The following SOX13 variants were observed in gnomAD, a reference collection of about 807,000 sequenced individuals.
The protein encoded by SOX13 is SRY-box transcription factor 13, also known as transcription factor SOX-13.
SOX13 carries 28 observed loss-of-function variants against 71.8 expected under a neutral mutation model. That is an observed-to-expected ratio of 0.39 (90% CI 0.29 to 0.53). The LOEUF is 0.53. Among genes scored for constraint, SOX13 ranks in the 20% least tolerant of loss-of-function variants. SOX13 has a pLI of 0.70. For synonymous variants in SOX13, 309 were observed against 317.8 expected, an observed-to-expected ratio of 0.97 and a Z score of 0.29; for missense variants, 627 against 810.3, an observed-to-expected ratio of 0.77 and a Z score of 2.75.
intron 1 of SOX13, among the ~76,000 whole-genome samples, chr1:204,108,717 G>T (rs943903763): frequency 6.6e-6 from 1 of 152,334 alleles, no homozygotes; most frequent in Non-Finnish European, 1.5e-5. Context: ...TGAGCCGACG[G>T]ATCAGAGGCC....
intron 7 of SOX13, 25 bp downstream of exon 7, chr1:204,117,732 C>T (rs369807881): frequency 2.0e-6 from 3 of 1,504,560 alleles, no homozygotes; most frequent in Admixed American, 1.7e-5. Flanking sequence ...GGAGGTTCCA[C>T]CACTGCGGCC....
In SOX13 at chr1:204,114,396, C is replaced by G. The variant is rs1656647247; in HGVS notation, c.295C>G (p.Gln99Glu). Residue 99 changes from glutamine (Q) to glutamate (E), a missense_variant, in exon 3 of 14, where the codon CAG (glutamine) becomes GAG (glutamate). Physicochemically the swap from Gln to Glu is conservative, Grantham distance 29 (BLOSUM62 2). Around this residue, in one of 3 missense-constraint regions of SOX13, gnomAD observed 447 missense variants for 532.2 expected, o/e 0.84. Transcript: ENST00000367204. ...PGVSEAASGS[Q>E]EKLDFNRNLK... The stretch of plus-strand genomic sequence containing the variant: ...AGTGTCGGAGGCTGCCTCTGGAAGC[C>G]AGGAGAAGCTGGACTTCAACCGAAA... The G allele has an allele frequency of 6.2e-7, 1 of 1,612,818 alleles. No homozygotes were observed. The highest frequency in any genetic ancestry group is 1.3e-5 in the African/African-American group (1 of 74,906).
chr1:204,082,121 T>G (rs1655920698), intron 1 of SOX13, among the ~76,000 whole-genome samples: 1 of 149,878 alleles, frequency 6.7e-6, no homozygotes, highest in African/African-American at 2.5e-5. Context: ...GTGAGTGTAA[T>G]GTGAGTGTGA....
intron 1 of SOX13, among the ~76,000 whole-genome samples, chr1:204,091,667 C>T (rs910604609): frequency 3.3e-5 from 5 of 152,162 alleles, no homozygotes; most frequent in Non-Finnish European, 7.3e-5. Flanking sequence ...AGTCCTGGCT[C>T]TGCTTCTGAG....
intron 12 of SOX13, among the ~76,000 whole-genome samples, chr1:204,124,262 G>A (rs1656873038): frequency 6.6e-6 from 1 of 152,208 alleles, no homozygotes; most frequent in South Asian, 2.1e-4. Flanking sequence ...CAGTGTCAGC[G>A]CAGGACTCTG....
intron 1 of SOX13, among the ~76,000 whole-genome samples, chr1:204,085,501 G>A (rs999160583): frequency 1.3e-5 from 2 of 152,154 alleles, no homozygotes; most frequent in African/African-American, 4.8e-5. Context: ...TGGCAGGTTG[G>A]TTAAGTACTG....
rs759937893 is a variant in SOX13, at chr1:204,112,948, G to A, written c.33G>A (p.Leu11=). The part of the protein sequence containing the change: MSMRSPISAQ[L]ALDGVGTMVN... Reference sequence around the variant, plus strand: ...TGAGGAGCCCCATCTCTGCCCAGCTGGCCCTGGATGGCGTTGGCACCATGG... The same window carrying A: ...TGAGGAGCCCCATCTCTGCCCAGCTAGCCCTGGATGGCGTTGGCACCATGG... The change falls in exon 2 of 14, where the codon CTG becomes CTA. Residue 11 remains leucine, a synonymous_variant. Transcript: ENST00000367204. 15 of 1,613,720 alleles carry A rather than the reference G, an allele frequency of 9.3e-6. No individual in the cohort carries two copies. The highest frequency in any genetic ancestry group is 1.2e-5 in the Non-Finnish European group (14 of 1,179,868).
chr1:204,122,948 C>T lies in SOX13; in HGVS notation c.1119C>T (p.Asn373=), dbSNP rs1345257600. The change falls in exon 10 of 14, where the codon AAC becomes AAT. Residue 373 remains asparagine (N), a synonymous_variant. Transcript: ENST00000367204. ...GTGGGGCCTTGGATGGCTCCCCCAA[C>T]ACCCCCTTCCGTAAGGTATGGTCCC... ...SHSGALDGSP[N]TPFRKDLISL... is the part of the protein sequence containing the mutation. 6.3e-7 allele frequency: 1 copy of T among 1,587,032 alleles called. No homozygotes were observed. The highest frequency in any genetic ancestry group is 8.6e-7 in the Non-Finnish European group (1 of 1,164,136).
intron 1 of SOX13, among the ~76,000 whole-genome samples, chr1:204,108,800 C>T (rs1320693028): frequency 6.6e-6 from 1 of 152,230 alleles, no homozygotes; most frequent in Non-Finnish European, 1.5e-5. Context: ...TATTGTCTGG[C>T]TTCCTTTTGT....
At chr1:204,102,085 C>T (rs1656371106) in intron 1 of SOX13, among the ~76,000 whole-genome samples, 1 of 152,202 alleles carries the variant, frequency 6.6e-6, no homozygotes, top group African/African-American at 2.4e-5. Context: ...TGCTGCGTGT[C>T]TCCCAGAGCC....
intron 1 of SOX13, among the ~76,000 whole-genome samples, chr1:204,099,802 T>G (rs1366114634): frequency 6.6e-6 from 1 of 152,180 alleles, no homozygotes; most frequent in Non-Finnish European, 1.5e-5. Flanking sequence ...TTAATATAAG[T>G]AAAAGTGATT....
Position 204,125,842 on chromosome 1 carries a change from C to T in SOX13, c.1593-16C>T. On this transcript the variant is annotated splice_polypyrimidine_tract_variant and intron_variant, in intron 13 of 13. Coordinates refer to ENST00000367204, the MANE Select transcript of SOX13 (RefSeq NM_005686.3). ...CAAGTGTGCATCCATCACCGTTCCCCTTCTCTGCCCCACAGCCCGCAGGCT... is the reference window on the plus strand; with the variant it reads ...CAAGTGTGCATCCATCACCGTTCCCTTTCTCTGCCCCACAGCCCGCAGGCT... The T allele has an allele frequency of 6.2e-7, 1 of 1,602,906 alleles. No homozygotes were observed. Among genetic ancestry groups the T allele is most frequent in the Non-Finnish European group, 8.5e-7 (1 of 1,176,632 alleles).
chr1:204,074,269 C>A (rs1465717176), intron 1 of SOX13: 1 of 152,046 alleles, frequency 6.6e-6, no homozygotes. Context: ...GGGTCGTTCC[C>A]CAGCGGACCA....
At chr1:204,110,321 GTCTTGCTA>G (rs1656554789) in intron 1 of SOX13, among the ~76,000 whole-genome samples, 2 of 143,744 alleles carry the variant, frequency 1.4e-5, no homozygotes, top group South Asian at 4.9e-4. Context: ...TAGAGACAGG[GTCTTGCTA>G]TGTTGCTCAT....
chr1:204,117,229 T>C, intron 6 of SOX13, 39 bp downstream of exon 6: 2 of 1,579,158 alleles, frequency 1.3e-6, no homozygotes, highest in South Asian at 1.1e-5. Context: ...CAGGAGGCAG[T>C]TGAGGGAGTT....
chr1:204,076,157 A>G (rs765160421), intron 1 of SOX13, among the ~76,000 whole-genome samples: 5 of 152,092 alleles, frequency 3.3e-5, no homozygotes, highest in African/African-American at 7.2e-5. Flanking sequence ...TTAAAAATCA[A>G]TCTTGGCTCA....
At chr1:204,093,902 A>G (rs979366576) in intron 1 of SOX13, among the ~76,000 whole-genome samples, 3 of 152,188 alleles carry the variant, frequency 2.0e-5, no homozygotes, top group African/African-American at 4.8e-5. Flanking sequence ...GAACATGGAA[A>G]TCAGAAGCTT....
chr1:204,106,064 A>T (rs1656464163), intron 1 of SOX13, among the ~76,000 whole-genome samples: 2 of 152,252 alleles, frequency 1.3e-5, no homozygotes, highest in Non-Finnish European at 2.9e-5. Flanking sequence ...GTAACAAAGG[A>T]GTAAAGGAAC....
In SOX13 at chr1:204,090,030, C is replaced by G. The variant is rs116577204; in HGVS notation, c.-2+16319C>G. Among the ~76,000 whole-genome samples, 405 of 152,316 alleles carry G rather than the reference C, an allele frequency of 2.7e-3. 1 individual carries two copies. The highest frequency in any genetic ancestry group is 9.1e-3 in the African/African-American group (379 of 41,578). On this transcript the variant is annotated intron_variant, in intron 1 of 13. Transcript: ENST00000367204. The stretch of plus-strand genomic sequence containing the variant: ...GTGGTGGCTGAAGCCCCCGGGGCCT[C>G]TGCCTTATGGCTGGGCCTCTGGTGG...
Sources: allele counts gnomAD v4.1 joint callset (sites outside exome capture counted in the v4.1 genomes callset), GRCh38; gene constraint gnomAD v4.1.1; regional missense constraint gnomAD v4.1.1; transcripts MANE v1.5; gene names NCBI Gene and HGNC (gene_info 2026-07-23, HGNC 2026-07-21).